The following NHS variants were observed in gnomAD, a reference collection of about 807,000 sequenced individuals.
NHS encodes NHS actin remodeling regulator.
A neutral mutation model predicts 72.5 loss-of-function variants in NHS; 5 were observed. That is an observed-to-expected ratio of 0.07 (90% confidence interval 0.04 to 0.14). The LOEUF (loss-of-function observed/expected upper bound fraction) is 0.14. Among genes scored for constraint, NHS ranks in the 10% least tolerant of loss-of-function variants. The pLI is 1.00. For synonymous variants in NHS, 464 were observed against 547.7 expected (o/e 0.85, Z 2.13); for missense variants, 1,072 against 1,355.7 (o/e 0.79, Z 3.29).
At chrX:17,481,193 A>G (rs752804689) in intron 1 of NHS, among the ~76,000 whole-genome samples, 2 of 112,057 alleles carry the variant, frequency 1.8e-5, no homozygotes, top group Admixed American at 9.5e-5. Context: ...TCTCCCAGAA[A>G]TCTCTTCAAG....
chrX:17,420,268 C>G (rs962189418), intron 1 of NHS, among the ~76,000 whole-genome samples: 1 of 111,772 alleles, frequency 8.9e-6, no homozygotes, highest in Non-Finnish European at 1.9e-5. Flanking sequence ...ATCCATTCAC[C>G]CATTAACCTG....
rs141641742 is a variant in NHS, at chrX:17,606,870, G to C, written c.566-80872G>C. ...AGGAGTTCAATAGCCAACATTTATC[G>C]AGCACTTATAACGAACCCAGGAACC... On this transcript the variant is annotated intron_variant, in intron 1 of 8. Transcript: ENST00000676302. Among the ~76,000 whole-genome samples, 445 of 112,303 alleles carry C rather than the reference G, an allele frequency of 4.0e-3. 2 individuals are homozygous for C. Among genetic ancestry groups the C allele is most frequent in the Middle Eastern group, 0.027 (6 of 219 alleles).
intron 1 of NHS, among the ~76,000 whole-genome samples, chrX:17,432,905 CAAAAT>C (rs2064700521): frequency 8.9e-6 from 1 of 111,797 alleles, no homozygotes; most frequent in South Asian, 3.7e-4. Context: ...GCCAGAGACT[CAAAAT>C]AAATAAAAAT....
At chrX:17,604,614 G>A (rs2065670123) in intron 1 of NHS, among the ~76,000 whole-genome samples, 1 of 112,225 alleles carries the variant, frequency 8.9e-6, no homozygotes, top group Admixed American at 9.4e-5. Flanking sequence ...GGGTAACCAG[G>A]TATCTGAATA....
intron 1 of NHS, among the ~76,000 whole-genome samples, chrX:17,532,522 C>A (rs1395922354): frequency 8.9e-6 from 1 of 111,797 alleles, no homozygotes; most frequent in Non-Finnish European, 1.9e-5. Context: ...GTGCTCCCCT[C>A]ACTGTGCATT....
At chrX:17,389,951 T>G (rs764171137) in intron 1 of NHS, among the ~76,000 whole-genome samples, 1 of 103,016 alleles carries the variant, frequency 9.7e-6, no homozygotes, top group East Asian at 3.0e-4. Context: ...TTAAAAAAAA[T>G]GAAAAAAAAA....
rs184275083 is a variant in NHS at position 17,726,225 on chromosome X, G to A, written c.2119G>A (p.Ala707Thr). Residue 707 changes from alanine to threonine, a missense_variant, in exon 7 of 9, where the codon GCA (alanine) becomes ACA (threonine). Ala to Thr is a moderately conservative substitution (Grantham distance 58). Transcript: ENST00000676302. ...GGCAAACTCCTTTACCTCCACTGTT[G>A]CAGACCTGCTGGATGATCCCAACAA... ...HRANSFTSTV[A>T]DLLDDPNNSN... The A allele has an allele frequency of 2.6e-5, 31 of 1,211,966 alleles. No individual in the cohort carries two copies. In the South Asian group the frequency reaches 5.1e-4, roughly 20 times the overall value.
chrX:17,662,228 A>G (rs920474754), intron 1 of NHS, among the ~76,000 whole-genome samples: 1 of 111,855 alleles, frequency 8.9e-6, no homozygotes, highest in Non-Finnish European at 1.9e-5. Flanking sequence ...CCTTCCCCAA[A>G]CTTCCAATTG....
At chrX:17,597,837 AG>A (rs778988227) in intron 1 of NHS, among the ~76,000 whole-genome samples, 209 of 110,892 alleles carry the variant, frequency 1.9e-3, no homozygotes, top group Non-Finnish European at 3.4e-3. Context: ...TGCCTGTAAA[AG>A]GAGACACTCC....
At chrX:17,501,787 C>G (rs970261690) in intron 1 of NHS, among the ~76,000 whole-genome samples, 2 of 112,225 alleles carry the variant, frequency 1.8e-5, no homozygotes, top group Admixed American at 9.4e-5. Flanking sequence ...CTTGAATGTT[C>G]CAGGACGGTG....
chrX:17,477,464 C>G, intron 1 of NHS, among the ~76,000 whole-genome samples: 1 of 112,085 alleles, frequency 8.9e-6, no homozygotes, highest in Non-Finnish European at 1.9e-5. Flanking sequence ...GGCAACAGTG[C>G]AAGACATGCA....
chrX:17,397,414 CTAACTGCCCATG>C (rs2146849833), intron 1 of NHS, among the ~76,000 whole-genome samples: 1 of 111,784 alleles, frequency 8.9e-6, no homozygotes, highest in African/African-American at 3.2e-5. Flanking sequence ...GCACCATGAG[CTAACTGCCCATG>C]AGGGAGGGTG....
At chrX:17,530,026 C>CT (rs1446256141) in intron 1 of NHS, among the ~76,000 whole-genome samples, 1 of 111,033 alleles carries the variant, frequency 9.0e-6, no homozygotes, top group African/African-American at 3.3e-5. Context: ...AGGGGGTTTC[C>CT]TTTTTTCTTC....
intron 1 of NHS, among the ~76,000 whole-genome samples, chrX:17,629,175 A>G (rs902988944): frequency 2.7e-5 from 3 of 112,163 alleles, no homozygotes; most frequent in African/African-American, 6.5e-5. Flanking sequence ...GGGGAGAGGG[A>G]GATTGACATC....
In NHS at chrX:17,649,636, C is replaced by T. The variant is rs756865784; in HGVS notation, c.566-38106C>T. Among the ~76,000 whole-genome samples the T allele has an allele frequency of 2.7e-5, 3 of 110,148 alleles. No homozygotes were observed. In the East Asian group the frequency reaches 8.6e-4, roughly 31 times the overall value. On this transcript the variant is annotated intron_variant, in intron 1 of 8. Transcript: ENST00000676302. ...CAAAGTTTTATAGCTTGCTATAAATCGAGAGGGATTATCACAGCTGTTACT... is the reference window on the plus strand; with the variant it reads ...CAAAGTTTTATAGCTTGCTATAAATTGAGAGGGATTATCACAGCTGTTACT...
chrX:17,697,364 A>G (rs1025099745), intron 3 of NHS, among the ~76,000 whole-genome samples: 6 of 112,151 alleles, frequency 5.3e-5, no homozygotes, highest in African/African-American at 1.9e-4. Context: ...CCATTAAACT[A>G]GGGATCTTGT....
chrX:17,585,445 T>C (rs985158531), intron 1 of NHS, among the ~76,000 whole-genome samples: 1 of 111,776 alleles, frequency 8.9e-6, no homozygotes, highest in Admixed American at 9.5e-5. Flanking sequence ...ATGAGCAGTG[T>C]TTTGCCAGCA....
At chrX:17,384,830 C>T (rs989324731) in intron 1 of NHS, among the ~76,000 whole-genome samples, 1 of 112,104 alleles carries the variant, frequency 8.9e-6, no homozygotes, top group African/African-American at 3.2e-5. Context: ...TTTGATAGTT[C>T]AGCTTAATTT....
intron 1 of NHS, among the ~76,000 whole-genome samples, chrX:17,677,667 C>T (rs1216446826): frequency 9.0e-6 from 1 of 111,586 alleles, no homozygotes; most frequent in Non-Finnish European, 1.9e-5. Context: ...GAGAGATGCT[C>T]CTTGCGGTCT....
Sources: gnomAD v4.1 joint callset for allele counts (sites outside exome capture counted in the v4.1 genomes callset) on GRCh38, gnomAD v4.1.1 for gene constraint, MANE v1.5 for transcripts, NCBI Gene and HGNC (gene_info 2026-07-23, HGNC 2026-07-21) for gene names.